The following TEKT1 variants were observed in gnomAD, a reference collection of about 807,000 sequenced individuals.
TEKT1 encodes tektin 1.
Under a neutral mutation model 34.8 loss-of-function variants are expected in TEKT1, and 32 were observed. The ratio of observed to expected loss-of-function variants is 0.92; its 90% CI spans 0.69 to 1.23. TEKT1 has a LOEUF of 1.23. Ranked by LOEUF, TEKT1 falls within the 50% of genes most tolerant of loss-of-function variation. The probability of loss-of-function intolerance (pLI) is 0.00; values close to 1 mark genes in which losing one functional copy is unlikely to be tolerated. For synonymous variants in TEKT1, 207 were observed against 199.8 expected, an observed-to-expected ratio of 1.04 and a Z score of -0.30; for missense variants, 492 against 518.5, an observed-to-expected ratio of 0.95 and a Z score of 0.50.
chr17:6,810,871 T>A (rs1374905725), intron 6 of TEKT1, among the ~76,000 whole-genome samples: 1 of 152,166 alleles, frequency 6.6e-6, no homozygotes, highest in Non-Finnish European at 1.5e-5. Context: ...CCCGAGTAGC[T>A]GTGATTACAG....
intron 7 of TEKT1, 147 bp from the exon 8 acceptor site, chr17:6,800,381 C>T: frequency 1.5e-6 from 1 of 674,724 alleles, no homozygotes; most frequent in Non-Finnish European, 2.4e-6. Flanking sequence ...AGAGATCTCA[C>T]TAATTTTAGA....
rs1451464782 is a variant in TEKT1 at position 6,800,794 on chromosome 17, T to A, written c.1002A>T (p.Gln334His). The change falls in exon 7 of 8, where the codon CAA (glutamine) becomes CAT (histidine). Residue 334 changes from glutamine to histidine, a missense_variant. By Grantham distance (24) the Gln-to-His change is conservative (BLOSUM62 0). Transcript: ENST00000338694. The part of the protein sequence containing the change: ...PNVELCRDVA[Q>H]YRLMKEVQEI... ...CTTGAACCTCCTTCATTAGCCTATATTGTGCGACATCACGACACAGCTCCA... is the reference window on the plus strand; with the variant it reads ...CTTGAACCTCCTTCATTAGCCTATAATGTGCGACATCACGACACAGCTCCA... The A allele has an allele frequency of 6.2e-7, 1 of 1,614,180 alleles. No homozygotes were observed.
At chr17:6,816,048 T>C (rs79021555) in intron 3 of TEKT1, 86 bp from the exon 4 acceptor site, 144,251 of 1,544,840 alleles carry the variant, frequency 0.093, 7,435 homozygotes, top group Middle Eastern at 0.19. Context: ...CTCAGAACTA[T>C]CTGCACGACT....
At chr17:6,806,911 C>T (rs1401942174) in intron 6 of TEKT1, among the ~76,000 whole-genome samples, 1 of 152,170 alleles carries the variant, frequency 6.6e-6, no homozygotes, top group Non-Finnish European at 1.5e-5. Context: ...TTTTTTCCTT[C>T]ATTTCAACTT....
intron 2 of TEKT1, among the ~76,000 whole-genome samples, chr17:6,826,777 G>A (rs1597794869): frequency 6.6e-6 from 1 of 151,200 alleles, no homozygotes; most frequent in Non-Finnish European, 1.5e-5. Flanking sequence ...GTCACTGCAA[G>A]TTCCGCCTCC....
chr17:6,816,694 G>A (rs1486110827), intron 3 of TEKT1, among the ~76,000 whole-genome samples: 1 of 152,138 alleles, frequency 6.6e-6, no homozygotes, highest in African/African-American at 2.4e-5. Flanking sequence ...ATAAACAAAC[G>A]TGTGCATATG....
intron 2 of TEKT1, among the ~76,000 whole-genome samples, chr17:6,829,730 T>C (rs1479956476): frequency 1.3e-5 from 2 of 152,152 alleles, no homozygotes; most frequent in Admixed American, 6.5e-5. Flanking sequence ...AACTGTATTG[T>C]TTTTATTTGT....
intron 6 of TEKT1, among the ~76,000 whole-genome samples, chr17:6,806,483 G>T (rs1976845810): frequency 6.6e-6 from 1 of 152,110 alleles, no homozygotes; most frequent in South Asian, 2.1e-4. Context: ...GGTTAATATT[G>T]TTATGTGTGA....
At chr17:6,814,118 G>A (rs1185056559) in intron 5 of TEKT1, among the ~76,000 whole-genome samples, 1 of 152,138 alleles carries the variant, frequency 6.6e-6, no homozygotes, top group Non-Finnish European at 1.5e-5. Flanking sequence ...CCTTCAGATG[G>A]ATTGCAACCC....
chr17:6,830,664 CA>C (rs1281564050), intron 1 of TEKT1, among the ~76,000 whole-genome samples: 2 of 152,078 alleles, frequency 1.3e-5, no homozygotes, highest in African/African-American at 4.8e-5. Flanking sequence ...TTGAATTTAA[CA>C]TAAATGGAAT....
chr17:6,830,313 T>C lies in TEKT1; in HGVS notation c.64A>G (p.Asn22Asp). 6.2e-7 allele frequency: 1 copy of C among 1,611,716 alleles called. No homozygotes were observed. Among genetic ancestry groups the C allele is most frequent in the Non-Finnish European group, 8.5e-7 (1 of 1,179,646 alleles). Residue 22 changes from asparagine (N) to aspartate (D), a missense_variant, in exon 2 of 8, where the codon AAC becomes GAC. Transcript: ENST00000338694. ...TGAGCGTCTGCTCTGTGGTACTGGT[T>C]CTTGTTAGCAATGTGCCACTCTGAG... ...LPSEWHIANK[N>D]QYHRADAQRS...
chr17:6,800,467 C>G (rs577720574), intron 7 of TEKT1, among the ~76,000 whole-genome samples: 18 of 152,322 alleles, frequency 1.2e-4, no homozygotes, highest in African/African-American at 4.1e-4. Context: ...AGGCCAGATT[C>G]ATGACGTAGA....
At chr17:6,830,784 T>G (rs1471635639) in intron 1 of TEKT1, among the ~76,000 whole-genome samples, 1 of 152,200 alleles carries the variant, frequency 6.6e-6, no homozygotes, top group Non-Finnish European at 1.5e-5. Context: ...CGTTGCTGTG[T>G]AGGTGCCGTT....
At chr17:6,826,143 T>C (rs1904389645) in intron 2 of TEKT1, among the ~76,000 whole-genome samples, 1 of 152,190 alleles carries the variant, frequency 6.6e-6, no homozygotes, top group Non-Finnish European at 1.5e-5. Flanking sequence ...ATTGTAGCCA[T>C]TCCATGGCTG....
intron 5 of TEKT1, among the ~76,000 whole-genome samples, chr17:6,814,552 G>A (rs575129083): frequency 7.7e-4 from 118 of 152,258 alleles, no homozygotes; most frequent in Middle Eastern, 3.4e-3. Flanking sequence ...AAAACAGAAA[G>A]GGGAGGCCAG....
intron 3 of TEKT1, among the ~76,000 whole-genome samples, chr17:6,818,423 C>A (rs1977037909): frequency 6.6e-6 from 1 of 151,744 alleles, no homozygotes; most frequent in Admixed American, 6.6e-5. Flanking sequence ...ATTCTATTCA[C>A]TGGATTTATA....
chr17:6,819,152 T>C, intron 3 of TEKT1, 41 bp downstream of exon 3: 1 of 1,592,206 alleles, frequency 6.3e-7, no homozygotes, highest in Non-Finnish European at 8.5e-7. Flanking sequence ...GCATCTCATT[T>C]GTCACAACAC....
At chr17:6,826,774 CA>C (rs1186499927) in intron 2 of TEKT1, among the ~76,000 whole-genome samples, 1 of 151,568 alleles carries the variant, frequency 6.6e-6, no homozygotes, top group Non-Finnish European at 1.5e-5. Context: ...CACGTCACTG[CA>C]AGTTCCGCCT....
intron 6 of TEKT1, among the ~76,000 whole-genome samples, chr17:6,807,605 A>G (rs977350026): frequency 6.6e-6 from 1 of 151,934 alleles, no homozygotes; most frequent in Non-Finnish European, 1.5e-5. Flanking sequence ...GGTTTTATCT[A>G]CCTTTGGTCT....
Sources: gnomAD v4.1 joint callset for allele counts (sites outside exome capture counted in the v4.1 genomes callset) on GRCh38, gnomAD v4.1.1 for gene constraint, MANE v1.5 for transcripts, NCBI Gene and HGNC (gene_info 2026-07-23, HGNC 2026-07-21) for gene names.